Variants in SZRD1 observed in about 807,000 individuals in gnomAD.
SZRD1 encodes SUZ RNA-binding domain-containing.
Under a neutral mutation model 17.6 loss-of-function variants are expected in SZRD1, and 7 were observed. That is an observed-to-expected ratio of 0.40 (90% CI 0.23 to 0.75). The LOEUF (loss-of-function observed/expected upper bound fraction) is 0.75. SZRD1 is among the 30% of genes least tolerant of loss of function. The probability of loss-of-function intolerance (pLI) is 0.38; values close to 1 mark genes in which losing one functional copy is unlikely to be tolerated. For synonymous variants in SZRD1, 77 were observed against 77.9 expected (o/e 0.99, Z 0.06); for missense variants, 178 against 201.8 (o/e 0.88, Z 0.71).
At chr1:16,394,091 C>T (rs2085263881) in intron 3 of SZRD1, among the ~76,000 whole-genome samples, 2 of 152,088 alleles carry the variant, frequency 1.3e-5, no homozygotes, top group Non-Finnish European at 1.5e-5. Context: ...TTATCACTTT[C>T]GAATCAAACA....
intron 1 of SZRD1, among the ~76,000 whole-genome samples, chr1:16,382,660 A>G (rs1027007990): frequency 2.1e-5 from 3 of 145,922 alleles, no homozygotes; most frequent in Non-Finnish European, 4.5e-5. Context: ...ACACCTGGCT[A>G]ATTTTTGCAC....
intron 1 of SZRD1, among the ~76,000 whole-genome samples, chr1:16,390,281 A>T (rs1570042696): frequency 6.6e-6 from 1 of 152,268 alleles, no homozygotes; most frequent in East Asian, 1.9e-4. Context: ...CTGGATATAG[A>T]TGCTCACACG....
At chr1:16,384,366 C>T (rs7543611) in intron 1 of SZRD1, among the ~76,000 whole-genome samples, 1,580 of 147,154 alleles carry the variant, frequency 0.011, 32 homozygotes, top group African/African-American at 0.036. Context: ...AGCAAGACCC[C>T]GTCTCCACCA....
chr1:16,385,667 C>G (rs534744505), intron 1 of SZRD1, among the ~76,000 whole-genome samples: 4 of 152,254 alleles, frequency 2.6e-5, no homozygotes, highest in African/African-American at 9.6e-5. Context: ...CAGTAACAAA[C>G]TGGGTTGTTT....
intron 3 of SZRD1, among the ~76,000 whole-genome samples, chr1:16,394,297 C>T (rs1234314386): frequency 6.6e-6 from 1 of 152,082 alleles, no homozygotes; most frequent in Non-Finnish European, 1.5e-5. Context: ...AACCGTTAAC[C>T]GCAGAGTTTG....
chr1:16,384,545 C>G (rs1363367042), intron 1 of SZRD1, among the ~76,000 whole-genome samples: 1 of 152,104 alleles, frequency 6.6e-6, no homozygotes, highest in Non-Finnish European at 1.5e-5. Flanking sequence ...AGAATCCCAT[C>G]CATATTTGTG....
chr1:16,393,617 T>C lies in SZRD1; in HGVS notation c.356+135T>C, dbSNP rs10907225. 334,906 of 975,806 alleles carry C rather than the reference T, an allele frequency of 0.34. 61,467 individuals are homozygous for C. Among genetic ancestry groups the C allele is most frequent in the African/African-American group, 0.44 (27,420 of 61,676 alleles). The allele number at this position is 975,806 out of a possible 1,614,324, so 60.4% of individuals were successfully genotyped here. ...GGAACCATGCAGCTCCACTTGCTGA[T>C]CCCAGCCTGCTGGCACTAGTTCACT... On this transcript the variant is annotated intron_variant, in intron 3 of 3. Transcript: ENST00000401088. This position sits in a 1 kb window ranked among gnomAD's most constrained non-coding sequence, Gnocchi z 5.6.
intron 1 of SZRD1, among the ~76,000 whole-genome samples, chr1:16,384,780 T>A (rs1458252284): frequency 2.0e-5 from 3 of 152,210 alleles, no homozygotes; most frequent in Non-Finnish European, 4.4e-5. Flanking sequence ...CTTTTTGTGT[T>A]ACTCAGGGCC....
intron 1 of SZRD1, chr1:16,369,074 G>C: frequency 3.4e-6 from 1 of 297,188 alleles, no homozygotes; most frequent in Non-Finnish European, 6.1e-6. Flanking sequence ...GACGCTTGTC[G>C]CGTGTTCTTT....
chr1:16,393,028 G>C lies in SZRD1; in HGVS notation c.102-200G>C, dbSNP rs993738452. Among the ~76,000 whole-genome samples the C allele has an allele frequency of 6.6e-6, 1 of 152,178 alleles. No homozygotes were observed. Among genetic ancestry groups the C allele is most frequent in the Non-Finnish European group, 1.5e-5 (1 of 68,024 alleles). ...GGCTGAGGAGCAGTTCCTGTGGCCTGTCAGAGCTGGTCGCAAGCTTACTTT... is the reference window on the plus strand; with the variant it reads ...GGCTGAGGAGCAGTTCCTGTGGCCTCTCAGAGCTGGTCGCAAGCTTACTTT... On this transcript the variant is annotated intron_variant, in intron 2 of 3. Transcript: ENST00000401088. The surrounding 1 kb of genome is among the most constrained non-coding windows in gnomAD (Gnocchi z 5.6).
Position 16,391,333 on chromosome 1 carries a change from G to A in SZRD1, c.52-42G>A. The A allele has an allele frequency of 1.4e-6, 2 of 1,412,064 alleles. No individual in the cohort carries two copies. Among genetic ancestry groups the A allele is most frequent in the East Asian group, 2.5e-5 (1 of 40,278 alleles). The allele number at this position is 1,412,064 out of a possible 1,614,324, so 87.5% of individuals were successfully genotyped here. On this transcript the variant is annotated intron_variant, in intron 1 of 3. Coordinates refer to ENST00000401088, the MANE Select transcript of SZRD1 (RefSeq NM_001114600.3). This position sits in a 1 kb window ranked among gnomAD's most constrained non-coding sequence, Gnocchi z 4.3. ...AAATAAAGACTAAGTTTTTATTTGAGAGAGATTTTTTCCTCTTTTTATATA... is the reference window on the plus strand; with the variant it reads ...AAATAAAGACTAAGTTTTTATTTGAAAGAGATTTTTTCCTCTTTTTATATA...
chr1:16,372,673 A>G (rs1165165404), intron 1 of SZRD1, among the ~76,000 whole-genome samples: 2 of 152,188 alleles, frequency 1.3e-5, no homozygotes, highest in Admixed American at 1.3e-4. Flanking sequence ...CATCTTGAAT[A>G]AGTTAAAGGA....
In SZRD1 at chr1:16,395,355, G is replaced by A. The variant is rs184253953; in HGVS notation, c.*215G>A. The A allele has an allele frequency of 6.4e-4, 375 of 585,076 alleles. 3 individuals carry two copies. Among genetic ancestry groups the A allele is most frequent in the East Asian group, 1.5e-3 (49 of 33,022 alleles). The allele number at this position is 585,076 out of a possible 1,614,324, so 36.2% of individuals were successfully genotyped here. ...CCCTTCCCACTGTGATTGGCACATC[G>A]ACAAGGGCTGTCCCAAGTCAATGGA... On this transcript the variant is annotated 3_prime_UTR_variant, in exon 4 of 4. Transcript: ENST00000401088.
rs1044157927 is a variant in SZRD1 at position 16,391,164 on chromosome 1, T to C, written c.52-211T>C. Among the ~76,000 whole-genome samples, 7 of 152,096 alleles carry C rather than the reference T, an allele frequency of 4.6e-5. No individual in the cohort carries two copies. The highest frequency in any genetic ancestry group is 8.8e-5 in the Non-Finnish European group (6 of 68,020). ...CCAGCTGAACAATGAGGTTTAGAAC[T>C]GTCATGGCGGCCATGGGGCTAGAAG... On this transcript the variant is annotated intron_variant, in intron 1 of 3. Coordinates refer to ENST00000401088, the MANE Select transcript of SZRD1 (RefSeq NM_001114600.3). The surrounding 1 kb of genome is among the most constrained non-coding windows in gnomAD (Gnocchi z 4.3).
intron 1 of SZRD1, among the ~76,000 whole-genome samples, chr1:16,371,227 T>C (rs2100691603): frequency 6.6e-6 from 1 of 151,922 alleles, no homozygotes; most frequent in Non-Finnish European, 1.5e-5. Context: ...GGTCTTGCTC[T>C]GTTGCCCAGG....
At chr1:16,392,989 T>A (rs1364118610) in intron 2 of SZRD1, among the ~76,000 whole-genome samples, 1 of 152,212 alleles carries the variant, frequency 6.6e-6, no homozygotes, top group East Asian at 1.9e-4. Flanking sequence ...CCAGCCCCTG[T>A]GGCCAGGGGT....
chr1:16,397,719 G>C lies in SZRD1; in HGVS notation c.*2579G>C, dbSNP rs910223736. 8.5e-5 allele frequency: 13 copies of C among 152,776 alleles called. No homozygotes were observed. Among genetic ancestry groups the C allele is most frequent in the African/African-American group, 2.2e-4 (9 of 41,440 alleles). The allele number at this position is 152,776 out of a possible 1,614,324, so 9.5% of individuals were successfully genotyped here. On this transcript the variant is annotated 3_prime_UTR_variant, in exon 4 of 4. Transcript: ENST00000401088. The surrounding 1 kb of genome is among the most constrained non-coding windows in gnomAD (Gnocchi z 5.4). ...CAGGCCTGGTGACCAACCTTTCTCA[G>C]CCCACTCAATCAGGGTGCTCCCCAC...
chr1:16,394,351 C>T (rs1181575804), intron 3 of SZRD1, among the ~76,000 whole-genome samples: 1 of 152,148 alleles, frequency 6.6e-6, no homozygotes, highest in East Asian at 1.9e-4. Context: ...GGATGTGTCC[C>T]TCTGCTGAGC....
At chr1:16,384,326 C>T (rs914693435) in intron 1 of SZRD1, among the ~76,000 whole-genome samples, 1 of 151,104 alleles carries the variant, frequency 6.6e-6, no homozygotes, top group Non-Finnish European at 1.5e-5. Context: ...ATCACTTGAG[C>T]CCACAGTTCA....
Sources: allele counts gnomAD v4.1 joint callset (sites outside exome capture counted in the v4.1 genomes callset), GRCh38; gene constraint gnomAD v4.1.1; non-coding constraint Gnocchi (gnomAD v3.1); transcripts MANE v1.5; gene names NCBI Gene and HGNC (gene_info 2026-07-23, HGNC 2026-07-21).